Variants in POU2F1 observed in about 807,000 individuals in gnomAD.
The protein encoded by POU2F1 is POU domain, class 2, transcription factor 1.
POU2F1 carries 16 observed loss-of-function variants against 84.9 expected under a neutral mutation model. The ratio of observed to expected loss-of-function variants is 0.19; its 90% confidence interval spans 0.13 to 0.29. POU2F1 has a LOEUF of 0.29. Ranked by LOEUF, POU2F1 falls within the 10% of genes least tolerant of loss-of-function variation. The pLI is 1.00. For synonymous variants in POU2F1, 368 were observed against 368.3 expected (o/e 1.00, Z 0.01); for missense variants, 738 against 942.6 (o/e 0.78, Z 2.84).
rs1416314662 is a variant in POU2F1, at chr1:167,423,851, T to C, written c.*8041T>C. ...GCAGTGGCATTGAGTTCTCAAACAT[T>C]ATATCCCAAAGTCTGCAGGCAGACA... On this transcript the variant is annotated 3_prime_UTR_variant, in exon 16 of 16. Transcript: ENST00000367866. 1.3e-5 allele frequency: 2 copies of C among 152,226 alleles called. No individual in the cohort carries two copies. The highest frequency in any genetic ancestry group is 4.8e-5 in the African/African-American group (2 of 41,464). 9.4% of individuals were successfully genotyped at this position (152,226 alleles called of 1,614,324 possible).
Position 167,415,749 on chromosome 1 carries a change from T to C in POU2F1, c.2240T>C (p.Phe747Ser). The C allele has an allele frequency of 6.2e-7, 1 of 1,614,078 alleles. No individual in the cohort carries two copies. The highest frequency in any genetic ancestry group is 8.5e-7 in the Non-Finnish European group (1 of 1,180,004). ...TSAESIQNSL[F>S]TVASASGAAS... is the part of the protein sequence containing the mutation. ...GCTGAGTCCATCCAGAACTCTCTCT[T>C]CACAGTGGCCTCTGCCAGCGGGGCT... Residue 747 changes from phenylalanine to serine, a missense_variant, in exon 16 of 16, where the codon TTC becomes TCC. Phe to Ser is a radical substitution (Grantham distance 155). This residue lies in a region of POU2F1 where 319 missense variants were observed against 386.0 expected (regional missense o/e 0.83). Transcript: ENST00000367866.
intron 2 of POU2F1, among the ~76,000 whole-genome samples, chr1:167,356,583 A>G (rs113509660): frequency 6.6e-6 from 1 of 152,098 alleles, no homozygotes; most frequent in Admixed American, 6.5e-5. Context: ...CTGGCGGCAA[A>G]TATATACGGG....
intron 1 of POU2F1, among the ~76,000 whole-genome samples, chr1:167,271,351 G>A (rs1182029081): frequency 6.6e-6 from 1 of 152,166 alleles, no homozygotes; most frequent in East Asian, 1.9e-4. Flanking sequence ...AACATTAAAT[G>A]TATTTGTGAC....
At chr1:167,400,072 C>G (rs1159339987) in intron 12 of POU2F1, among the ~76,000 whole-genome samples, 3 of 146,290 alleles carry the variant, frequency 2.1e-5, no homozygotes, top group African/African-American at 7.6e-5. Flanking sequence ...CAACCTCCGC[C>G]TCCTGGGTTC....
intron 1 of POU2F1, among the ~76,000 whole-genome samples, chr1:167,318,424 G>A (rs565006844): frequency 6.6e-6 from 1 of 152,314 alleles, no homozygotes; most frequent in South Asian, 2.1e-4. Context: ...CCCCTTAGGG[G>A]ACCAATCAAT....
intron 1 of POU2F1, among the ~76,000 whole-genome samples, chr1:167,309,708 ATTCT>A (rs900258738): frequency 6.6e-6 from 1 of 152,118 alleles, no homozygotes; most frequent in African/African-American, 2.4e-5. Flanking sequence ...GTTGATGGAA[ATTCT>A]TTGAGATTTT....
At chr1:167,262,424 C>A (rs1323843460) in intron 1 of POU2F1, among the ~76,000 whole-genome samples, 1 of 152,104 alleles carries the variant, frequency 6.6e-6, no homozygotes, top group African/African-American at 2.4e-5. Flanking sequence ...TTATTCAACA[C>A]TAATTTATTC....
intron 1 of POU2F1, among the ~76,000 whole-genome samples, chr1:167,326,718 C>G (rs1023974627): frequency 5.3e-5 from 8 of 152,054 alleles, no homozygotes; most frequent in African/African-American, 1.9e-4. Context: ...TCTTGTGGGA[C>G]TCCCTTAGCC....
intron 1 of POU2F1, chr1:167,328,912 C>T (rs1571310561): frequency 7.1e-6 from 3 of 422,454 alleles, no homozygotes; most frequent in Admixed American, 1.2e-4. Flanking sequence ...GCCCTAATCA[C>T]GCGCATACTG....
intron 1 of POU2F1, among the ~76,000 whole-genome samples, chr1:167,269,423 G>T (rs534669320): frequency 2.6e-5 from 4 of 152,180 alleles, no homozygotes; most frequent in African/African-American, 4.8e-5. Context: ...AGAATAAATA[G>T]CTGATGACTG....
rs1445567112 is a variant in POU2F1, at chr1:167,422,693, G to A, written c.*6883G>A. ...GGATATAGACTGTATCTCTAGAAAG[G>A]CTATTTTTTTAAATAAATGATCCCA... On this transcript the variant is annotated 3_prime_UTR_variant, in exon 16 of 16. Coordinates refer to ENST00000367866, the MANE Select transcript of POU2F1 (RefSeq NM_002697.4). 7 of 152,116 alleles carry A rather than the reference G, an allele frequency of 4.6e-5. No individual in the cohort carries two copies. The highest frequency in any genetic ancestry group is 1.7e-4 in the African/African-American group (7 of 41,406). 9.4% of individuals were successfully genotyped at this position (152,116 alleles called of 1,614,324 possible). A position where few individuals can be genotyped will look rare whatever the true frequency, so the allele number is the denominator to read the frequency against.
At chr1:167,260,913 A>C (rs1169204168) in intron 1 of POU2F1, among the ~76,000 whole-genome samples, 1 of 152,158 alleles carries the variant, frequency 6.6e-6, no homozygotes, top group African/African-American at 2.4e-5. Context: ...TTAGCTCTTC[A>C]TGACAGTAGT....
intron 13 of POU2F1, among the ~76,000 whole-genome samples, chr1:167,408,464 C>G (rs770792917): frequency 6.6e-6 from 1 of 152,182 alleles, no homozygotes; most frequent in Non-Finnish European, 1.5e-5. Flanking sequence ...AACCAGTGCT[C>G]ATCAACTGGT....
chr1:167,284,366 AC>A (rs894512985), intron 1 of POU2F1, among the ~76,000 whole-genome samples: 4 of 152,174 alleles, frequency 2.6e-5, no homozygotes, highest in African/African-American at 9.6e-5. Context: ...GCTCTGATAG[AC>A]CATGCTGCAT....
chr1:167,316,792 G>C (rs903405472), intron 1 of POU2F1, among the ~76,000 whole-genome samples: 1 of 152,166 alleles, frequency 6.6e-6, no homozygotes, highest in African/African-American at 2.4e-5. Context: ...AATCAAAGCT[G>C]CCTGGGTTTT....
rs1457521668 is a variant in POU2F1, at chr1:167,416,905, T to C, written c.*1095T>C. 6.6e-6 allele frequency: 1 copy of C among 152,250 alleles called. No homozygotes were observed. Among genetic ancestry groups the C allele is most frequent in the Non-Finnish European group, 1.5e-5 (1 of 68,048 alleles). 9.4% of individuals were successfully genotyped at this position (152,250 alleles called of 1,614,324 possible). On this transcript the variant is annotated 3_prime_UTR_variant, in exon 16 of 16. Transcript: ENST00000367866. Reference sequence around the variant, plus strand: ...CACCTGACTTGGTGGTTCTCCTGATTTCTTATCTCCTGAAAAATGCTCCTG... The same window carrying C: ...CACCTGACTTGGTGGTTCTCCTGATCTCTTATCTCCTGAAAAATGCTCCTG...
intron 2 of POU2F1, chr1:167,338,015 GGAA>G (rs1657586183): frequency 2.5e-6 from 1 of 401,666 alleles, no homozygotes; most frequent in South Asian, 1.9e-5. Context: ...AGCACATGGT[GGAA>G]GAAGGATTGG....
chr1:167,270,630 AT>A (rs1652305311), intron 1 of POU2F1, among the ~76,000 whole-genome samples: 1 of 152,120 alleles, frequency 6.6e-6, no homozygotes, highest in African/African-American at 2.4e-5. Flanking sequence ...CATACATTGG[AT>A]TGTTTTTCTG....
At chr1:167,322,878 C>T (rs1437037559) in intron 1 of POU2F1, among the ~76,000 whole-genome samples, 1 of 152,266 alleles carries the variant, frequency 6.6e-6, no homozygotes, top group Non-Finnish European at 1.5e-5. Context: ...ATCACTCATA[C>T]TATTGTTTGT....
Sources: gnomAD v4.1 joint callset for allele counts (sites outside exome capture counted in the v4.1 genomes callset) on GRCh38, gnomAD v4.1.1 for gene constraint, gnomAD v4.1.1 regional missense constraint, MANE v1.5 for transcripts, NCBI Gene and HGNC (gene_info 2026-07-23, HGNC 2026-07-21) for gene names.